The following GPC5 variants were observed in gnomAD, a reference collection of about 807,000 sequenced individuals.
GPC5 encodes the protein glypican 5.
In GPC5, 47 loss-of-function variants were observed where a neutral mutation model predicts 53.9. The ratio of observed to expected loss-of-function variants is 0.87; its 90% CI spans 0.69 to 1.11. The LOEUF is 1.11. Ranked by LOEUF, GPC5 falls within the 50% of genes most tolerant of loss-of-function variation. The probability of loss-of-function intolerance (pLI) is 0.00; values close to 1 mark genes in which losing one functional copy is unlikely to be tolerated. For synonymous variants in GPC5, 286 were observed against 263.3 expected (o/e 1.09, Z -0.84); for missense variants, 748 against 713.1 (o/e 1.05, Z -0.56).
rs1260967783 is a variant in GPC5, at chr13:91,432,184, A to ACTGCTGCTGCTGCTGCTG, written c.164-16573_164-16556dup. Among the ~76,000 whole-genome samples the ACTGCTGCTGCTGCTGCTG allele has an allele frequency of 2.0e-3, 264 of 129,250 alleles. 5 individuals are homozygous for ACTGCTGCTGCTGCTGCTG. The highest frequency in any genetic ancestry group is 8.2e-3 in the African/African-American group (250 of 30,558). The allele number at this position is 129,250 out of a possible 152,430, so 84.8% of individuals were successfully genotyped here. A position where few individuals can be genotyped will look rare whatever the true frequency, so the allele number is the denominator to read the frequency against. On this transcript the variant is annotated intron_variant, in intron 1 of 7. Coordinates refer to ENST00000377067, the MANE Select transcript of GPC5 (RefSeq NM_004466.6). ...TCATGTAGCTAGATATGCTGCTTCC[A>ACTGCTGCTGCTGCTGCTG]CTGCTGCTGCTGCTGCTGCTGTGTG...
intron 7 of GPC5, among the ~76,000 whole-genome samples, chr13:92,350,476 T>C (rs1357049756): frequency 6.6e-6 from 1 of 152,112 alleles, no homozygotes; most frequent in Non-Finnish European, 1.5e-5. Context: ...ACGTGTAGAA[T>C]CTAAAACAGT....
chr13:92,732,197 C>T (rs933182702), intron 7 of GPC5, among the ~76,000 whole-genome samples: 1 of 151,472 alleles, frequency 6.6e-6, no homozygotes, highest in African/African-American at 2.4e-5. Flanking sequence ...TCTTTGGTTA[C>T]AACTAAAGCT....
intron 7 of GPC5, among the ~76,000 whole-genome samples, chr13:92,753,775 GA>G (rs201583979): frequency 2.0e-5 from 3 of 150,308 alleles, no homozygotes; most frequent in African/African-American, 2.4e-5. Flanking sequence ...GGGAAGTTTA[GA>G]AAAAAAAAGA....
Position 92,636,203 on chromosome 13 carries a change from A to G in GPC5, c.1562-230079A>G, listed in dbSNP as rs376897415. Among the ~76,000 whole-genome samples the G allele has an allele frequency of 3.3e-5, 5 of 152,332 alleles. No homozygotes were observed. The East Asian group carries it at 9.6e-4, about 29-fold the overall frequency. ...TTGTGTTTTAATGAGTCAACTAAGC[A>G]TTTGTAAGAAATCAAGTTATAAAAA... is the stretch of plus-strand genomic sequence containing the variant. On this transcript the variant is annotated intron_variant, in intron 7 of 7. Transcript: ENST00000377067.
At chr13:92,034,574 T>G (rs550579795) in intron 6 of GPC5, among the ~76,000 whole-genome samples, 1 of 152,280 alleles carries the variant, frequency 6.6e-6, no homozygotes, top group East Asian at 1.9e-4. Context: ...TTTCTACTAG[T>G]GCAAGGGCAG....
Position 92,483,374 on chromosome 13 carries a change from A to G in GPC5, c.1561+338385A>G, listed in dbSNP as rs533353715. ...GACATGTTACTGTACTGAATAGTGT[A>G]GGCAATTGTAACACAATGGTAAGTA... On this transcript the variant is annotated intron_variant, in intron 7 of 7. Coordinates refer to ENST00000377067, the MANE Select transcript of GPC5 (RefSeq NM_004466.6). 1.1e-4 allele frequency among the ~76,000 whole-genome samples: 16 copies of G among 152,336 alleles called. No individual in the cohort carries two copies. The South Asian group carries it at 3.1e-3, about 30-fold the overall frequency.
intron 7 of GPC5, among the ~76,000 whole-genome samples, chr13:92,665,006 G>T (rs922881767): frequency 6.6e-6 from 1 of 151,726 alleles, no homozygotes; most frequent in Non-Finnish European, 1.5e-5. Flanking sequence ...AATAAATATT[G>T]TGTTACAAAA....
chr13:92,656,379 G>A (rs376299674), intron 7 of GPC5, among the ~76,000 whole-genome samples: 1 of 152,142 alleles, frequency 6.6e-6, no homozygotes, highest in South Asian at 2.1e-4. Flanking sequence ...ATTTAATTGG[G>A]GTAGAGATGT....
At chr13:91,814,229 G>A (rs1293309695) in intron 5 of GPC5, among the ~76,000 whole-genome samples, 1 of 152,122 alleles carries the variant, frequency 6.6e-6, no homozygotes, top group African/African-American at 2.4e-5. Context: ...ACTGCGCCCG[G>A]CTAACTGAAA....
chr13:92,805,978 G>A (rs1283254730), intron 7 of GPC5, among the ~76,000 whole-genome samples: 3 of 151,960 alleles, frequency 2.0e-5, no homozygotes, highest in Non-Finnish European at 1.5e-5. Context: ...TTGAAACTTT[G>A]AAGCCAGGCT....
intron 7 of GPC5, among the ~76,000 whole-genome samples, chr13:92,856,582 A>C (rs1304303652): frequency 6.6e-6 from 1 of 152,068 alleles, no homozygotes; most frequent in Non-Finnish European, 1.5e-5. Flanking sequence ...ATGCCTAAAA[A>C]ATTCTAAAGA....
intron 1 of GPC5, among the ~76,000 whole-genome samples, chr13:91,416,025 G>C (rs998892985): frequency 6.6e-6 from 1 of 152,094 alleles, no homozygotes; most frequent in Non-Finnish European, 1.5e-5. Context: ...TACAGAATGG[G>C]TGCTTAATAA....
intron 7 of GPC5, among the ~76,000 whole-genome samples, chr13:92,160,783 T>C (rs2041981957): frequency 6.6e-6 from 1 of 152,134 alleles, no homozygotes; most frequent in Non-Finnish European, 1.5e-5. Context: ...AAATGAATAA[T>C]AAAAAGCAAA....
At position 92,675,645 on chromosome 13, in the gene GPC5, A is replaced by G. The variant is rs569178098; in HGVS notation, c.1562-190637A>G. ...GCCATTTTTTCAACTCCAAATAAAT[A>G]GAAACAGCTATAGGACTAAAGTTTC... is the stretch of plus-strand genomic sequence containing the variant. On this transcript the variant is annotated intron_variant, in intron 7 of 7. Coordinates refer to ENST00000377067, the MANE Select transcript of GPC5 (RefSeq NM_004466.6). 7.2e-5 allele frequency among the ~76,000 whole-genome samples: 11 copies of G among 152,222 alleles called. No individual in the cohort carries two copies. The East Asian group carries it at 2.1e-3, about 29-fold the overall frequency.
At chr13:92,644,572 T>C (rs1333356358) in intron 7 of GPC5, among the ~76,000 whole-genome samples, 1 of 152,146 alleles carries the variant, frequency 6.6e-6, no homozygotes, top group Non-Finnish European at 1.5e-5. Context: ...TTAACAGCAA[T>C]TGACCCCAGT....
At chr13:92,079,510 C>T (rs955654165) in intron 6 of GPC5, among the ~76,000 whole-genome samples, 5 of 152,152 alleles carry the variant, frequency 3.3e-5, no homozygotes, top group Non-Finnish European at 5.9e-5. Context: ...TGTCATAATA[C>T]GTACATCTGC....
intron 1 of GPC5, among the ~76,000 whole-genome samples, chr13:91,443,548 T>C (rs184500167): frequency 6.6e-6 from 1 of 152,338 alleles, no homozygotes. Flanking sequence ...TGGTAGTTAT[T>C]TGATAGCTTC....
intron 2 of GPC5, among the ~76,000 whole-genome samples, chr13:91,487,283 T>C (rs2139238827): frequency 6.6e-6 from 1 of 152,186 alleles, no homozygotes; most frequent in East Asian, 1.9e-4. Flanking sequence ...AGGCAAATCT[T>C]TTGAGGAGTA....
intron 2 of GPC5, among the ~76,000 whole-genome samples, chr13:91,626,825 C>G (rs2139397842): frequency 2.0e-5 from 3 of 152,124 alleles, no homozygotes; most frequent in Admixed American, 2.0e-4. Context: ...CCCATTCCCC[C>G]AACCCCACAA....
Sources: gnomAD v4.1 joint callset for allele counts (sites outside exome capture counted in the v4.1 genomes callset) on GRCh38, gnomAD v4.1.1 for gene constraint, MANE v1.5 for transcripts, NCBI Gene and HGNC (gene_info 2026-07-23, HGNC 2026-07-21) for gene names.